Variants in MVB12A observed in about 807,000 individuals in gnomAD.
MVB12A encodes multivesicular body subunit 12A, also known as CIN85/CD2AP family binding protein.
A neutral mutation model predicts 34.3 loss-of-function variants in MVB12A; 30 were observed. The observed-to-expected ratio is 0.88, with a 90% CI of 0.65 to 1.19. MVB12A has a LOEUF of 1.19. Among genes scored for constraint, MVB12A ranks in the 50% most tolerant of loss-of-function variants. The pLI, the probability that MVB12A is intolerant of heterozygous loss-of-function variation, is 0.00. For missense variants in MVB12A, 355 were observed against 369.2 expected, an observed-to-expected ratio of 0.96 and a Z score of 0.31; for synonymous variants, 158 against 158.9, an observed-to-expected ratio of 0.99 and a Z score of 0.04.
intron 1 of MVB12A, chr19:17,405,797 A>G: frequency 2.1e-6 from 1 of 486,422 alleles, no homozygotes; most frequent in Non-Finnish European, 3.7e-6. Flanking sequence ...ACCCTGCTTT[A>G]AAAGCCCTTG....
At chr19:17,410,494 CTTCA>C (rs1178033686) in intron 2 of MVB12A, among the ~76,000 whole-genome samples, 8 of 14,318 alleles carry the variant, frequency 5.6e-4, no homozygotes, top group African/African-American at 2.0e-3. Context: ...TTGGTTTTAG[CTTCA>C]TATATATATA....
chr19:17,424,552 C>A, intron 7 of MVB12A, 69 bp from the exon 8 acceptor site: 1 of 1,534,674 alleles, frequency 6.5e-7, no homozygotes, highest in South Asian at 1.2e-5. Flanking sequence ...GGCAGGACCC[C>A]TTGAAGACGA....
At chr19:17,420,744 G>A (rs1487475582) in intron 3 of MVB12A, 110 bp downstream of exon 3, 6 of 734,914 alleles carry the variant, frequency 8.2e-6, no homozygotes, top group East Asian at 7.8e-5. Context: ...CCTGGCACAC[G>A]GGGTGATGAC....
rs1568387298 is a variant in MVB12A, at chr19:17,410,496, T to TTATATATGTATATA, written c.-5+4200_-5+4201insTATATATGTATATA. Among the ~76,000 whole-genome samples the TTATATATGTATATA allele has an allele frequency of 1.0e-3, 32 of 31,494 alleles. 2 individuals are homozygous for TTATATATGTATATA. Among genetic ancestry groups the TTATATATGTATATA allele is most frequent in the African/African-American group, 2.8e-3 (28 of 10,054 alleles). 20.7% of individuals were successfully genotyped at this position (31,494 alleles called of 152,430 possible). ...CGCTAGCATTCTTTTGGTTTTAGCTTCATATATATATATATATATATATAT... is the reference window on the plus strand; with the variant it reads ...CGCTAGCATTCTTTTGGTTTTAGCTTTATATATGTATATACATATATATATATATATATATATAT... On this transcript the variant is annotated intron_variant, in intron 2 of 6. Transcript: ENST00000528604.
upstream of MVB12A, among the ~76,000 whole-genome samples, chr19:17,418,485 C>A (rs1371108771): frequency 6.6e-6 from 1 of 151,144 alleles, no homozygotes; most frequent in African/African-American, 2.4e-5. Flanking sequence ...CTCCACCTCC[C>A]GGGTTCCAGT....
intron 2 of MVB12A, 22 bp downstream of exon 2, chr19:17,420,433 A>C (rs752676753): frequency 1.9e-6 from 3 of 1,611,524 alleles, no homozygotes; most frequent in Non-Finnish European, 2.5e-6. Context: ...CCACCTTCGG[A>C]ACCACCAGGG....
intron 4 of MVB12A, 59 bp downstream of exon 4, chr19:17,422,517 C>T: frequency 6.6e-7 from 1 of 1,524,708 alleles, no homozygotes; most frequent in Non-Finnish European, 8.9e-7. Context: ...ATGATCTCAC[C>T]AATCTGACCC....
At chr19:17,407,216 T>C (rs937580648) in intron 2 of MVB12A, among the ~76,000 whole-genome samples, 5 of 152,106 alleles carry the variant, frequency 3.3e-5, no homozygotes, top group African/African-American at 1.2e-4. Context: ...AACCGAAAGT[T>C]TGTTGCTCTT....
chr19:17,425,055 CCCCCT>C lies in MVB12A; in HGVS notation c.*64_*68del. On this transcript the variant is annotated 3_prime_UTR_variant, in exon 9 of 9. Transcript: ENST00000317040. ...ACCTCCCCGCCAGCCTGGGGCCACC[CCCCCT>C]CACTGCATCCTGGGGCCACCCCCAC... The C allele has an allele frequency of 1.2e-6, 1 of 841,434 alleles. No homozygotes were observed. The highest frequency in any genetic ancestry group is 1.9e-6 in the Non-Finnish European group (1 of 513,958). 52.1% of individuals were successfully genotyped at this position (841,434 alleles called of 1,614,324 possible). A position where few individuals can be genotyped will look rare whatever the true frequency, so the allele number is the denominator to read the frequency against.
At chr19:17,407,703 A>C (rs2074738080) in intron 2 of MVB12A, among the ~76,000 whole-genome samples, 1 of 152,222 alleles carries the variant, frequency 6.6e-6, no homozygotes, top group African/African-American at 2.4e-5. Context: ...GAAGCACAGC[A>C]TCACAGGGAG....
chr19:17,419,809 G>A (rs983124351), upstream of MVB12A: 15 of 202,314 alleles, frequency 7.4e-5, no homozygotes, highest in Non-Finnish European at 1.3e-4. Flanking sequence ...ACGTAGTGCA[G>A]ACTTGCAGAG....
chr19:17,421,181 CT>C lies in MVB12A; in HGVS notation c.286+564del, dbSNP rs10679842. 2,733 of 308,248 alleles carry C rather than the reference CT, an allele frequency of 8.9e-3. 15 individuals are homozygous for C. The highest frequency in any genetic ancestry group is 0.035 in the African/African-American group (1,266 of 36,262). 19.1% of individuals were successfully genotyped at this position (308,248 alleles called of 1,614,324 possible). On this transcript the variant is annotated intron_variant, in intron 3 of 8. Coordinates refer to ENST00000317040, the MANE Select transcript of MVB12A (RefSeq NM_138401.4). ...TTCATTCATACTAGAGTTGGCAAAC[CT>C]TTTTTTTTTTTTTTTTCTTCAGACG...
upstream of MVB12A, among the ~76,000 whole-genome samples, chr19:17,416,788 C>T (rs1230052745): frequency 6.6e-6 from 1 of 151,568 alleles, no homozygotes; most frequent in Non-Finnish European, 1.5e-5. Context: ...CAACTTCCGC[C>T]TTCTGAGTTC....
At chr19:17,410,575 T>TACATATATATACAC in intron 2 of MVB12A, among the ~76,000 whole-genome samples, 1 of 120,750 alleles carries the variant, frequency 8.3e-6, no homozygotes, top group African/African-American at 4.2e-5. Flanking sequence ...TACATATATA[T>TACATATATATACAC]ACATATATAT....
intron 2 of MVB12A, among the ~76,000 whole-genome samples, chr19:17,413,729 A>C (rs879328800): frequency 2.2e-4 from 34 of 152,136 alleles, no homozygotes; most frequent in African/African-American, 7.5e-4. Flanking sequence ...AAACCAATAC[A>C]AACAACAACA....
intron 2 of MVB12A, among the ~76,000 whole-genome samples, chr19:17,407,752 G>T (rs1382660711): frequency 6.6e-6 from 1 of 152,180 alleles, no homozygotes; most frequent in Non-Finnish European, 1.5e-5. Context: ...GAGCCTGACT[G>T]ATGTCAGGCC....
At chr19:17,423,658 A>T (rs375826598) in intron 5 of MVB12A, 35 bp from the exon 6 acceptor site, 130 of 1,613,244 alleles carry the variant, frequency 8.1e-5, no homozygotes, top group South Asian at 6.8e-4. Context: ...CCGTTGTGGG[A>T]GGATGAGGCT....
chr19:17,411,924 G>A (rs1599601022), intron 2 of MVB12A, among the ~76,000 whole-genome samples: 1 of 152,336 alleles, frequency 6.6e-6, no homozygotes, highest in South Asian at 2.1e-4. Context: ...GGGCTTCTGA[G>A]GACAACTCCA....
Position 17,425,076 on chromosome 19 carries a change from C to T in MVB12A, c.*83C>T. 1 of 490,852 alleles carries T rather than the reference C, an allele frequency of 2.0e-6. No homozygotes were observed. The highest frequency in any genetic ancestry group is 3.2e-6 in the Non-Finnish European group (1 of 310,928). The allele number at this position is 490,852 out of a possible 1,614,324, so 30.4% of individuals were successfully genotyped here. Reference sequence around the variant, plus strand: ...CACCCCCCCTCACTGCATCCTGGGGCCACCCCCACTCACTGCATCCTGGGA... The same window carrying T: ...CACCCCCCCTCACTGCATCCTGGGGTCACCCCCACTCACTGCATCCTGGGA... On this transcript the variant is annotated 3_prime_UTR_variant, in exon 9 of 9. Coordinates refer to ENST00000317040, the MANE Select transcript of MVB12A (RefSeq NM_138401.4).
Sources: allele counts gnomAD v4.1 joint callset (sites outside exome capture counted in the v4.1 genomes callset), GRCh38; gene constraint gnomAD v4.1.1; transcripts MANE v1.5; gene names NCBI Gene and HGNC (gene_info 2026-07-23, HGNC 2026-07-21).